Variants in COBL observed in about 807,000 individuals in gnomAD.
COBL encodes the protein cordon-bleu WH2 repeat protein.
In COBL, 51 loss-of-function variants were observed where a neutral mutation model predicts 98.8. That is an observed-to-expected ratio of 0.52 (90% CI 0.41 to 0.65). COBL has a LOEUF of 0.65. Among genes scored for constraint, COBL ranks in the 30% least tolerant of loss-of-function variants. The pLI is 0.00. For missense variants in COBL, 1,617 were observed against 1,617.5 expected (o/e 1.00, Z 0.01); for synonymous variants, 634 against 651.7 (o/e 0.97, Z 0.41).
chr7:51,118,595 G>A (rs1366085849), intron 6 of COBL, among the ~76,000 whole-genome samples: 1 of 151,984 alleles, frequency 6.6e-6, no homozygotes. Flanking sequence ...TCAAGGAGAA[G>A]GGCTCATACA....
chr7:51,042,815 C>A (rs748096785), intron 8 of COBL, among the ~76,000 whole-genome samples: 9 of 152,222 alleles, frequency 5.9e-5, no homozygotes, highest in Non-Finnish European at 1.0e-4. Flanking sequence ...CTGACGCCTA[C>A]ATGCTGGCAA....
Position 51,316,575 on chromosome 7 carries a change from G to T in COBL, c.41+18C>A. On this transcript the variant is annotated intron_variant, in intron 1 of 12. Coordinates refer to ENST00000265136, the MANE Select transcript of COBL (RefSeq NM_015198.5). ...GGGAAGCCCCCTCTCCACCCCGCCC[G>T]ACCGCGGGGCCGCTTACCCGGTCGG... 1.7e-6 allele frequency: 2 copies of T among 1,207,810 alleles called. No homozygotes were observed. The highest frequency in any genetic ancestry group is 7.9e-5 in the South Asian group (2 of 25,434). The allele number at this position is 1,207,810 out of a possible 1,614,324, so 74.8% of individuals were successfully genotyped here. A position where few individuals can be genotyped will look rare whatever the true frequency, so the allele number is the denominator to read the frequency against.
At chr7:51,294,515 T>A (rs1801223208) in intron 1 of COBL, among the ~76,000 whole-genome samples, 3 of 151,562 alleles carry the variant, frequency 2.0e-5, no homozygotes, top group Admixed American at 2.0e-4. Flanking sequence ...TGGAGGCACA[T>A]GCCTATAATC....
At chr7:51,259,648 C>A in intron 1 of COBL, 2 of 731,368 alleles carry the variant, frequency 2.7e-6, no homozygotes, top group Non-Finnish European at 5.0e-6. Flanking sequence ...CCCTGGTGCT[C>A]CTCATCACTG....
chr7:51,253,720 C>T (rs1796948044), intron 1 of COBL, among the ~76,000 whole-genome samples: 2 of 152,162 alleles, frequency 1.3e-5, no homozygotes, highest in South Asian at 4.1e-4. Flanking sequence ...AACACCATTA[C>T]CAACTATAAT....
At chr7:51,105,990 C>T (rs939268264) in intron 6 of COBL, among the ~76,000 whole-genome samples, 2 of 147,828 alleles carry the variant, frequency 1.4e-5, no homozygotes, top group Admixed American at 6.8e-5. Flanking sequence ...GTCAGGAGTT[C>T]GAGACCAGTC....
chr7:51,259,706 C>G (rs2129146587), intron 1 of COBL: 1 of 739,738 alleles, frequency 1.4e-6, no homozygotes, highest in East Asian at 2.5e-5. Context: ...GGCTCATCCA[C>G]ATTTCAAAAT....
intron 1 of COBL, among the ~76,000 whole-genome samples, chr7:51,223,171 G>A (rs1447597608): frequency 6.6e-6 from 1 of 152,284 alleles, no homozygotes; most frequent in Non-Finnish European, 1.5e-5. Context: ...CCCACTGGCT[G>A]TGGCCTAAGC....
intron 1 of COBL, among the ~76,000 whole-genome samples, chr7:51,286,611 CAG>C (rs1403014679): frequency 3.9e-5 from 6 of 152,066 alleles, no homozygotes; most frequent in Non-Finnish European, 7.4e-5. Flanking sequence ...CAAAAAATAA[CAG>C]ATGTTGGTGA....
At chr7:51,094,027 A>G (rs898784634) in intron 6 of COBL, among the ~76,000 whole-genome samples, 5 of 151,464 alleles carry the variant, frequency 3.3e-5, no homozygotes, top group African/African-American at 9.7e-5. Flanking sequence ...TATTACATAT[A>G]TATGTAACAA....
chr7:51,143,724 C>T (rs1667402935), intron 5 of COBL, among the ~76,000 whole-genome samples: 1 of 152,134 alleles, frequency 6.6e-6, no homozygotes, highest in Non-Finnish European at 1.5e-5. Flanking sequence ...GGAAGGCTTC[C>T]CTGTAACTCC....
At chr7:51,286,080 A>G (rs1800334982) in intron 1 of COBL, among the ~76,000 whole-genome samples, 1 of 152,238 alleles carries the variant, frequency 6.6e-6, no homozygotes, top group Non-Finnish European at 1.5e-5. Flanking sequence ...GACCTAAGTC[A>G]CATGCCTTAT....
At chr7:51,105,126 G>A (rs896137066) in intron 6 of COBL, among the ~76,000 whole-genome samples, 4 of 151,820 alleles carry the variant, frequency 2.6e-5, no homozygotes, top group Admixed American at 2.6e-4. Flanking sequence ...GGACTTCCAT[G>A]CTAGGAGATA....
At chr7:51,223,750 A>G (rs1451750176) in intron 1 of COBL, among the ~76,000 whole-genome samples, 1 of 152,226 alleles carries the variant, frequency 6.6e-6, no homozygotes. Flanking sequence ...GAGATCAGTG[A>G]TATCTACGTT....
intron 7 of COBL, among the ~76,000 whole-genome samples, chr7:51,069,190 A>T (rs1035518931): frequency 1.3e-5 from 2 of 152,120 alleles, no homozygotes; most frequent in Non-Finnish European, 2.9e-5. Context: ...TAGGAGAGAG[A>T]AATGATTGAG....
intron 8 of COBL, among the ~76,000 whole-genome samples, chr7:51,040,267 AACAC>A (rs557914598): frequency 6.7e-6 from 1 of 150,208 alleles, no homozygotes; most frequent in East Asian, 1.9e-4. Flanking sequence ...TCCCCTCAAA[AACAC>A]ACACACACAC....
At chr7:51,138,484 G>GT (rs1418631981) in intron 5 of COBL, among the ~76,000 whole-genome samples, 1 of 152,194 alleles carries the variant, frequency 6.6e-6, no homozygotes, top group Admixed American at 6.5e-5. Flanking sequence ...CTGGAAAGGT[G>GT]TTTTGCTGGA....
chr7:51,287,292 AAAC>A (rs753429963), intron 1 of COBL, among the ~76,000 whole-genome samples: 3 of 152,194 alleles, frequency 2.0e-5, no homozygotes, highest in Non-Finnish European at 4.4e-5. Flanking sequence ...ATAAGAAAAC[AAAC>A]AACCCTTTGA....
rs1229912595 is a variant in COBL at position 51,183,071 on chromosome 7, T to C, written c.783+1031A>G. On this transcript the variant is annotated intron_variant, in intron 5 of 12. Transcript: ENST00000265136. ...GTTACTTTATTTCTCTGAGCCCTGG[T>C]ATCCTCATCAGCAAACCTGGGTAAA... Among the ~76,000 whole-genome samples the C allele has an allele frequency of 2.6e-5, 4 of 152,206 alleles. No individual in the cohort carries two copies. In the East Asian group the frequency reaches 7.7e-4, roughly 29 times the overall value.
Sources: allele counts gnomAD v4.1 joint callset (sites outside exome capture counted in the v4.1 genomes callset), GRCh38; gene constraint gnomAD v4.1.1; transcripts MANE v1.5; gene names NCBI Gene and HGNC (gene_info 2026-07-23, HGNC 2026-07-21).